LILRA6: variants seen among roughly 807,000 people sequenced by gnomAD.
LILRA6 encodes leukocyte immunoglobulin-like receptor subfamily A member 6.
LILRA6 carries 16 observed loss-of-function variants against 53.9 expected under a neutral mutation model. The observed-to-expected ratio is 0.30, with a 90% CI of 0.20 to 0.45. The LOEUF (loss-of-function observed/expected upper bound fraction) is 0.45, where lower values mean the gene tolerates loss of function less well. LILRA6 is among the 20% of genes least tolerant of loss of function. The pLI is 1.00. For synonymous variants in LILRA6, 135 were observed against 256.4 expected, an observed-to-expected ratio of 0.53 and a Z score of 4.52; for missense variants, 306 against 618.6, an observed-to-expected ratio of 0.49 and a Z score of 5.36.
At chr19:54,237,189 C>T (rs1164079601), downstream of LILRA6, 1 of 150,648 alleles carries the variant, frequency 6.6e-6, no homozygotes, top group African/African-American at 2.5e-5. Context: ...ATGGTGAAAC[C>T]CCGTCTGTAA....
At position 54,241,650 on chromosome 19, in the gene LILRA6, G is replaced by A. The variant is rs1426594914; in HGVS notation, c.584C>T (p.Thr195Ile). 18 of 1,506,348 alleles carry A rather than the reference G, an allele frequency of 1.2e-5. 1 individual carries two copies. Among genetic ancestry groups the A allele is most frequent in the Admixed American group, 3.5e-5 (2 of 56,838 alleles). The allele number at this position is 1,506,348 out of a possible 1,614,324, so 93.3% of individuals were successfully genotyped here. A position where few individuals can be genotyped will look rare whatever the true frequency, so the allele number is the denominator to read the frequency against. Residue 195 changes from threonine to isoleucine, a missense_variant, in exon 4 of 8, where the codon ACA becomes ATA. Physicochemically the swap from Thr to Ile is moderately conservative, Grantham distance 89. Transcript: ENST00000396365. Reference sequence around the variant, plus strand: ...GGTGTTCATATAATAGTAATAGCATGTGAACCTCCACCTGTGGCTGGGGTT... The same window carrying A: ...GGTGTTCATATAATAGTAATAGCATATGAACCTCCACCTGTGGCTGGGGTT...
At position 54,241,783 on chromosome 19, in the gene LILRA6, G is replaced by C. The variant is rs200657736; in HGVS notation, c.451C>G (p.His151Asp). 13,136 of 1,362,584 alleles carry C rather than the reference G, an allele frequency of 9.6e-3. 988 individuals carry two copies. In the African/African-American group the frequency reaches 0.16, roughly 16 times the overall value. The allele number at this position is 1,362,584 out of a possible 1,614,324, so 84.4% of individuals were successfully genotyped here. The change falls in exon 4 of 8, where the codon CAC (histidine) becomes GAC (aspartate). Residue 151 changes from histidine (H) to aspartate (D), a missense_variant. Physicochemically the swap from His to Asp is moderately conservative, Grantham distance 81. Around this residue, in one of 9 missense-constraint regions of LILRA6, gnomAD observed 11 missense variants for 52.5 expected, o/e 0.21. Coordinates refer to ENST00000396365, the Ensembl canonical transcript of LILRA6. ...CCTTCCTTCATCAGAACAAAATGGT[G>C]ATATCCCTTCTGTGAGCCACATTGG...
At chr19:54,241,773 A>C (rs2078770054) in exon 4 of LILRA6, 1 of 1,404,156 alleles carries the variant, frequency 7.1e-7, no homozygotes, top group African/African-American at 1.5e-5. Flanking sequence ...CTTCATCAGA[A>C]CAAAATGGTG....
chr19:54,236,765 T>C (rs1191829799), downstream of LILRA6: 1 of 150,948 alleles, frequency 6.6e-6, no homozygotes, highest in Non-Finnish European at 1.5e-5. Flanking sequence ...CAGATGAATC[T>C]GGAAGACATT....
chr19:54,238,862 G>T (rs448461), exon 8 of LILRA6: 22 of 1,536,330 alleles, frequency 1.4e-5, no homozygotes, highest in East Asian at 2.3e-5. Context: ...CCCCTCTGGA[G>T]GTCCTAGATT....
At chr19:54,239,607 C>G in intron 7 of LILRA6, 1 of 1,207,584 alleles carries the variant, frequency 8.3e-7, no homozygotes, top group Admixed American at 2.4e-5. Context: ...AGACCACGAG[C>G]TCCAGGGAGT....
rs1420663705 is a variant in LILRA6, at chr19:54,240,254, G to A, written c.1258+20C>T. On this transcript the variant is annotated intron_variant, in intron 6 of 7. Coordinates refer to ENST00000396365, the Ensembl canonical transcript of LILRA6. ...GAGCTGAGCCTTTGAGCTCAGAGAG[G>A]ACGGGGTCAGCGCCCTCACCTGAGA... 1 of 1,599,894 alleles carries A rather than the reference G, an allele frequency of 6.3e-7. No homozygotes were observed. Among genetic ancestry groups the A allele is most frequent in the African/African-American group, 1.3e-5 (1 of 74,680 alleles).
intron 4 of LILRA6, 66 bp from the exon 5 acceptor site, chr19:54,241,193 C>T: frequency 7.1e-7 from 1 of 1,416,488 alleles, no homozygotes; most frequent in South Asian, 1.4e-5. Context: ...TTCTCCCGTC[C>T]TGGCCCTGCA....
Position 54,242,063 on chromosome 19 carries a change from C to A in LILRA6, c.318G>T (p.Trp106Cys), listed in dbSNP as rs368710856. The stretch of plus-strand genomic sequence containing the variant: ...GCTCCAGGGGGTCGCTGGGCTCTGA[C>A]CAGCCTGCAGAGCTGTAATAGTGGC... Residue 106 changes from tryptophan to cysteine, a missense_variant, in exon 3 of 8, where the codon TGG (tryptophan) becomes TGT (cysteine). Trp to Cys is a radical substitution (Grantham distance 215). Transcript: ENST00000396365. The A allele has an allele frequency of 7.1e-6, 10 of 1,413,052 alleles. 2 individuals are homozygous for A. In the African/African-American group the frequency reaches 1.7e-4, roughly 24 times the overall value. 87.5% of individuals were successfully genotyped at this position (1,413,052 alleles called of 1,614,324 possible). A position where few individuals can be genotyped will look rare whatever the true frequency, so the allele number is the denominator to read the frequency against.
At chr19:54,238,869 G>C (rs895772528) in exon 8 of LILRA6, 15 of 1,562,362 alleles carry the variant, frequency 9.6e-6, no homozygotes, top group Non-Finnish European at 1.3e-5. Flanking sequence ...GGAGGTCCTA[G>C]ATTGTCCTCC....
chr19:54,242,485 A>T lies in LILRA6; in HGVS notation c.70+34T>A. 1.9e-6 allele frequency: 2 copies of T among 1,077,766 alleles called. 1 individual carries two copies. Among genetic ancestry groups the T allele is most frequent in the Non-Finnish European group, 2.6e-6 (2 of 784,192 alleles). 66.8% of individuals were successfully genotyped at this position (1,077,766 alleles called of 1,614,324 possible). On this transcript the variant is annotated intron_variant, in intron 2 of 7. Transcript: ENST00000396365. ...TGTGTGGCCCTTGTCCCTAGTAAGG[A>T]TGAGGGACCTGGGACAGCTGGGGAC...
In LILRA6 at chr19:54,239,042, T is replaced by C. The variant is rs199554536; in HGVS notation, c.1357A>G (p.Met453Val). The stretch of plus-strand genomic sequence containing the variant: ...AGGAACACCAGGACCAAGCCTGCCA[T>C]GCCCATGCGGATGAGATTCTCCACT... Residue 453 changes from methionine to valine, a missense_variant, in exon 8 of 8, where the codon ATG becomes GTG. Met to Val is a conservative substitution (Grantham distance 21, BLOSUM62 1). Transcript: ENST00000396365. The C allele has an allele frequency of 1.5e-4, 240 of 1,611,312 alleles. 1 individual carries two copies. In the East Asian group the frequency reaches 2.1e-3, roughly 14 times the overall value.
rs753912699 is a variant in LILRA6 at position 54,242,736 on chromosome 19, C to T, written c.16G>A (p.Ala6Thr). 1.3e-3 allele frequency: 1,374 copies of T among 1,066,008 alleles called. 502 individuals carry two copies. The highest frequency in any genetic ancestry group is 1.7e-3 in the Non-Finnish European group (1,308 of 777,448). The allele number at this position is 1,066,008 out of a possible 1,614,324, so 66.0% of individuals were successfully genotyped here. ...ATCTCACCTAGGCAGAGCAGGGCTGCGAGGGTGGGGGTCATGGCGTCTCCT... is the reference window on the plus strand; with the variant it reads ...ATCTCACCTAGGCAGAGCAGGGCTGTGAGGGTGGGGGTCATGGCGTCTCCT... Residue 6 changes from alanine (A) to threonine (T), a missense_variant, in exon 1 of 8, where the codon GCA (alanine) becomes ACA (threonine). By Grantham distance (58) the Ala-to-Thr change is moderately conservative (BLOSUM62 0). Around this residue, in one of 9 missense-constraint regions of LILRA6, gnomAD observed 27 missense variants for 107.0 expected, o/e 0.25. Transcript: ENST00000396365.
exon 6 of LILRA6, chr19:54,240,433 G>T (rs556406505): frequency 1.9e-6 from 3 of 1,605,132 alleles, no homozygotes; most frequent in Non-Finnish European, 2.5e-6. Context: ...GATCTCAGAC[G>T]CAGTGGGGGA....
At chr19:54,240,000 T>C in intron 6 of LILRA6, 49 bp from the exon 7 acceptor site, 1 of 1,523,164 alleles carries the variant, frequency 6.6e-7, no homozygotes, top group Non-Finnish European at 8.8e-7. Context: ...GTCCATGGAG[T>C]GCACCCTTCC....
At chr19:54,241,622 G>A in exon 4 of LILRA6, 1 of 1,493,808 alleles carries the variant, frequency 6.7e-7, no homozygotes, top group Non-Finnish European at 9.1e-7. Flanking sequence ...ACCACACCCG[G>A]GGGGTGTTCA....
exon 8 of LILRA6, chr19:54,238,902 T>A (rs1453247137): frequency 1.9e-6 from 3 of 1,597,122 alleles, no homozygotes; most frequent in Non-Finnish European, 2.6e-6. Flanking sequence ...GATCATCAGA[T>A]CTGTCCCTGA....
chr19:54,239,545 G>C lies in LILRA6; in HGVS notation c.1309+356C>G, dbSNP rs1360271404. 3 of 838,918 alleles carry C rather than the reference G, an allele frequency of 3.6e-6. No homozygotes were observed. In the African/African-American group the frequency reaches 5.4e-5, roughly 15 times the overall value. The allele number at this position is 838,918 out of a possible 1,614,324, so 52.0% of individuals were successfully genotyped here. A position where few individuals can be genotyped will look rare whatever the true frequency, so the allele number is the denominator to read the frequency against. ...GTCCCAGAGCTCTCCTGGGTGCAGA[G>C]CCTGAGCTGAGCATTTGAGCTCAGA... is the stretch of plus-strand genomic sequence containing the variant. On this transcript the variant is annotated intron_variant, in intron 7 of 7. Coordinates refer to ENST00000396365, the Ensembl canonical transcript of LILRA6.
At chr19:54,239,918 C>G (rs1489093974) in exon 7 of LILRA6, 1 of 1,553,522 alleles carries the variant, frequency 6.4e-7, no homozygotes, top group Non-Finnish European at 8.7e-7. Context: ...GGAGGGCGGC[C>G]CTGTGGGTGG....
Sources: gnomAD v4.1 joint callset for allele counts on GRCh38, gnomAD v4.1.1 for gene constraint, gnomAD v4.1.1 regional missense constraint, MANE v1.5 for transcripts, NCBI Gene and HGNC (gene_info 2026-07-23, HGNC 2026-07-21) for gene names.